Variants in WDFY4 observed in about 807,000 individuals in gnomAD.
The protein encoded by WDFY4 is WDFY family member 4, also known as WD repeat- and FYVE domain-containing protein 4.
Under a neutral mutation model 351.9 loss-of-function variants are expected in WDFY4, and 169 were observed. That is an observed-to-expected ratio of 0.48 (90% CI 0.42 to 0.55). WDFY4 has a LOEUF of 0.55. Ranked by LOEUF, WDFY4 falls within the 20% of genes least tolerant of loss-of-function variation. The pLI, the probability that WDFY4 is intolerant of heterozygous loss-of-function variation, is 0.00. For synonymous variants in WDFY4, 1,622 were observed against 1,574.6 expected (o/e 1.03, Z -0.71); for missense variants, 3,803 against 3,935.6 (o/e 0.97, Z 0.90).
Position 48,789,885 on chromosome 10 carries a change from A to T in WDFY4, c.3966A>T (p.Ser1322=). Residue 1322 remains serine (S), a synonymous_variant, in exon 22 of 62, where the codon TCA becomes TCT. Transcript: ENST00000325239. ...GCTCATTTCTCTAGATGAACATTTC[A>T]TCCCGTGACAATGCCATGCCCGTGT... ...SRLIAKEMNI[S]SRDNAMPVFL... The T allele has an allele frequency of 6.4e-7, 1 of 1,552,436 alleles. No individual in the cohort carries two copies. Among genetic ancestry groups the T allele is most frequent in the Non-Finnish European group, 8.7e-7 (1 of 1,147,150 alleles).
At chr10:48,772,756 C>G (rs1439323980) in intron 13 of WDFY4, among the ~76,000 whole-genome samples, 5 of 147,462 alleles carry the variant, frequency 3.4e-5, no homozygotes, top group Non-Finnish European at 5.9e-5. Flanking sequence ...TCCATGTGAT[C>G]TCATTGTTCA....
At chr10:48,936,207 A>G (rs1464998047) in intron 47 of WDFY4, among the ~76,000 whole-genome samples, 1 of 152,150 alleles carries the variant, frequency 6.6e-6, no homozygotes, top group Non-Finnish European at 1.5e-5. Flanking sequence ...AATAAAAACA[A>G]AACAAATCAT....
intron 20 of WDFY4, among the ~76,000 whole-genome samples, chr10:48,787,957 CT>C (rs1253732435): frequency 8.1e-5 from 10 of 123,840 alleles, no homozygotes; most frequent in South Asian, 2.7e-4. Flanking sequence ...TCTTCTTCTT[CT>C]TCTTCTTCTT....
chr10:48,832,767 A>C (rs1437724608), intron 39 of WDFY4, 58 bp downstream of exon 39: 2 of 1,446,038 alleles, frequency 1.4e-6, no homozygotes, highest in Non-Finnish European at 1.8e-6. Context: ...AAACCCCATG[A>C]GTCATATCTC....
intron 40 of WDFY4, among the ~76,000 whole-genome samples, chr10:48,871,650 AT>A (rs561620540): frequency 2.0e-5 from 3 of 151,772 alleles, no homozygotes; most frequent in African/African-American, 7.3e-5. Context: ...TATTTCTTTA[AT>A]TTTTTTGTAG....
chr10:48,777,105 ATGTC>A, intron 16 of WDFY4, 121 bp downstream of exon 16: 1 of 1,273,484 alleles, frequency 7.9e-7, no homozygotes, highest in Non-Finnish European at 1.1e-6. Flanking sequence ...GCAGAGGAAA[ATGTC>A]TGGGTCATGG....
chr10:48,902,774 G>A (rs1185328437), intron 47 of WDFY4, among the ~76,000 whole-genome samples: 1 of 151,950 alleles, frequency 6.6e-6, no homozygotes, highest in Non-Finnish European at 1.5e-5. Flanking sequence ...TGAAATCTTA[G>A]ATGAGGTGGC....
chr10:48,704,669 CT>C (rs909633031), intron 1 of WDFY4, among the ~76,000 whole-genome samples: 1 of 152,210 alleles, frequency 6.6e-6, no homozygotes, highest in African/African-American at 2.4e-5. Context: ...GCCCAGCTGC[CT>C]GTGTGCACTG....
chr10:48,731,212 C>G lies in WDFY4; in HGVS notation c.1232C>G (p.Thr411Ser). ...LCIQVLSVIR[T>S]MWAWNARNFF... Reference sequence around the variant, plus strand: ...ATACAAGTCTTGTCAGTCATCAGGACCATGTGGGCCTGGAATGCTCGAAAC... The same window carrying G: ...ATACAAGTCTTGTCAGTCATCAGGAGCATGTGGGCCTGGAATGCTCGAAAC... The change falls in exon 9 of 62, where the codon ACC (threonine) becomes AGC (serine). Residue 411 changes from threonine to serine, a missense_variant. Physicochemically the swap from Thr to Ser is moderately conservative, Grantham distance 58. Coordinates refer to ENST00000325239, the MANE Select transcript of WDFY4 (RefSeq NM_001394531.1). The G allele has an allele frequency of 6.4e-7, 1 of 1,551,852 alleles. No individual in the cohort carries two copies. Among genetic ancestry groups the G allele is most frequent in the Non-Finnish European group, 8.7e-7 (1 of 1,147,024 alleles).
intron 45 of WDFY4, among the ~76,000 whole-genome samples, chr10:48,899,537 C>A (rs1837251779): frequency 1.3e-5 from 2 of 152,134 alleles, no homozygotes; most frequent in Admixed American, 1.3e-4. Context: ...CTCCCTTCAG[C>A]CCTGGGAATT....
Position 48,803,209 on chromosome 10 carries a change from C to T in WDFY4, c.4411-77C>T. 5 of 1,418,392 alleles carry T rather than the reference C, an allele frequency of 3.5e-6. 1 individual carries two copies. The highest frequency in any genetic ancestry group is 4.9e-6 in the Non-Finnish European group (5 of 1,029,720). The allele number at this position is 1,418,392 out of a possible 1,614,324, so 87.9% of individuals were successfully genotyped here. A position where few individuals can be genotyped will look rare whatever the true frequency, so the allele number is the denominator to read the frequency against. ...ACGTCAGAGGATCACCTGTCCAGCA[C>T]TGACCTTCTCATGCTTCCTGCAAAT... On this transcript the variant is annotated intron_variant, in intron 24 of 61. Coordinates refer to ENST00000325239, the MANE Select transcript of WDFY4 (RefSeq NM_001394531.1).
chr10:48,943,677 C>T (rs1257255010), intron 49 of WDFY4, among the ~76,000 whole-genome samples: 2 of 152,242 alleles, frequency 1.3e-5, no homozygotes, highest in East Asian at 3.9e-4. Context: ...ACCGCAACTT[C>T]CGCCTCCTGG....
intron 47 of WDFY4, among the ~76,000 whole-genome samples, chr10:48,918,613 A>G (rs1193307547): frequency 6.6e-6 from 1 of 152,258 alleles, no homozygotes; most frequent in Non-Finnish European, 1.5e-5. Flanking sequence ...GGATAAATTT[A>G]CCATTAGAAT....
intron 1 of WDFY4, among the ~76,000 whole-genome samples, chr10:48,691,980 G>C (rs546002188): frequency 5.9e-5 from 9 of 152,338 alleles, no homozygotes; most frequent in African/African-American, 1.4e-4. Context: ...CAGAGTCTCT[G>C]CCCTGAGAAT....
intron 1 of WDFY4, among the ~76,000 whole-genome samples, chr10:48,697,007 G>T (rs780536802): frequency 6.6e-6 from 1 of 152,246 alleles, no homozygotes; most frequent in Non-Finnish European, 1.5e-5. Context: ...GCTCTGGGTT[G>T]GCCTGGCCTT....
rs779125116 is a variant in WDFY4 at position 48,736,059 on chromosome 10, G to C, written c.1867G>C (p.Asp623His). 6.4e-7 allele frequency: 1 copy of C among 1,551,794 alleles called. No homozygotes were observed. Among genetic ancestry groups the C allele is most frequent in the Non-Finnish European group, 8.7e-7 (1 of 1,147,008 alleles). ...STQGELQLKL[D>H]LLKSLLRILV... ...TCAAGGGGAGCTGCAGCTGAAACTG[G>C]ATCTCCTGAAGGTGATTTCAAGTCC... is the stretch of plus-strand genomic sequence containing the variant. Residue 623 changes from aspartate (D) to histidine (H), a missense_variant, in exon 11 of 62, where the codon GAT (aspartate) becomes CAT (histidine). This residue lies in a region of WDFY4 where 261 missense variants were observed against 330.2 expected (regional missense o/e 0.79). Coordinates refer to ENST00000325239, the MANE Select transcript of WDFY4 (RefSeq NM_001394531.1).
In WDFY4 at chr10:48,723,426, C is replaced by T. The variant is rs935849335; in HGVS notation, c.457-7C>T. 4 of 1,549,294 alleles carry T rather than the reference C, an allele frequency of 2.6e-6. No individual in the cohort carries two copies. Among genetic ancestry groups the T allele is most frequent in the East Asian group, 2.4e-5 (1 of 40,910 alleles). ...TGCCTGGGGTCACGTGTGCTCTTCTCTTGCAGGAGACGCTGGGCAGGGTTG... is the reference window on the plus strand; with the variant it reads ...TGCCTGGGGTCACGTGTGCTCTTCTTTTGCAGGAGACGCTGGGCAGGGTTG... On this transcript the variant is annotated splice_polypyrimidine_tract_variant and splice_region_variant and intron_variant, in intron 4 of 61. Coordinates refer to ENST00000325239, the MANE Select transcript of WDFY4 (RefSeq NM_001394531.1).
At chr10:48,728,573 G>A (rs1169236369) in intron 7 of WDFY4, among the ~76,000 whole-genome samples, 2 of 152,180 alleles carry the variant, frequency 1.3e-5, no homozygotes, top group South Asian at 2.1e-4. Flanking sequence ...GCCTACATGC[G>A]GTGACTTGGA....
At chr10:48,731,728 A>T (rs2064467090) in intron 9 of WDFY4, among the ~76,000 whole-genome samples, 166 bp downstream of exon 9, 1 of 152,246 alleles carries the variant, frequency 6.6e-6, no homozygotes, top group Non-Finnish European at 1.5e-5. Context: ...GCAGCCACCC[A>T]GTCTTCCCAA....
Sources: allele counts gnomAD v4.1 joint callset (sites outside exome capture counted in the v4.1 genomes callset), GRCh38; gene constraint gnomAD v4.1.1; regional missense constraint gnomAD v4.1.1; transcripts MANE v1.5; gene names NCBI Gene and HGNC (gene_info 2026-07-23, HGNC 2026-07-21).